Variants in TPM1 observed in about 807,000 individuals in gnomAD.
TPM1 encodes the protein tropomyosin 1.
Under a neutral mutation model 42.9 loss-of-function variants are expected in TPM1, and 24 were observed. The observed-to-expected ratio is 0.56, with a 90% CI of 0.41 to 0.79. TPM1 has a LOEUF of 0.79. TPM1 is among the 30% of genes least tolerant of loss of function. The pLI is 0.00. For missense variants in TPM1, 158 were observed against 351.8 expected (o/e 0.45, Z 4.41); for synonymous variants, 136 against 130.1 (o/e 1.05, Z -0.31).
chr15:63,068,615 C>G (rs8040219), downstream of TPM1, among the ~76,000 whole-genome samples: 19,373 of 152,214 alleles, frequency 0.13, 1,513 homozygotes, highest in Admixed American at 0.25. Flanking sequence ...CACCAGCATT[C>G]AAAGCCACCG....
Position 63,062,655 on chromosome 15 carries a change from T to C in TPM1, c.772+10T>C, listed in dbSNP as rs2035796880. 6.2e-7 allele frequency: 1 copy of C among 1,614,100 alleles called. No homozygotes were observed. Among genetic ancestry groups the C allele is most frequent in the Non-Finnish European group, 8.5e-7 (1 of 1,180,044 alleles). On this transcript the variant is annotated intron_variant, in intron 8 of 9. Coordinates refer to ENST00000403994, the MANE Select transcript of TPM1 (RefSeq NM_001018005.2). ...ATTGATGACTTAGAAGGTAAGATCTTAAGTAGTGTTTTTAGTTTAATCCTT... is the reference window on the plus strand; with the variant it reads ...ATTGATGACTTAGAAGGTAAGATCTCAAGTAGTGTTTTTAGTTTAATCCTT...
intron 9 of TPM1, chr15:63,064,720 C>T (rs1295466338): frequency 2.1e-6 from 2 of 947,380 alleles, no homozygotes; most frequent in Non-Finnish European, 2.5e-6. Flanking sequence ...AATCCCAGCA[C>T]TTTGGGAGGC....
chr15:63,054,915 C>T (rs796898194), intron 2 of TPM1, among the ~76,000 whole-genome samples: 5 of 152,028 alleles, frequency 3.3e-5, no homozygotes, highest in Non-Finnish European at 5.9e-5. Context: ...GTCTCCCCCC[C>T]ACCCTCAAAA....
At position 63,042,963 on chromosome 15, in the gene TPM1, T is replaced by G. The variant is rs1323551574; in HGVS notation, c.114+20T>G. 6.4e-7 allele frequency: 1 copy of G among 1,572,638 alleles called. No individual in the cohort carries two copies. Among genetic ancestry groups the G allele is most frequent in the Non-Finnish European group, 8.6e-7 (1 of 1,158,124 alleles). On this transcript the variant is annotated intron_variant, in intron 1 of 9. Transcript: ENST00000403994. ...AAGCAGGTCTGCGCCTCCCCGGCCCTGCGCCCGCGCCCAGAGCGCCGGGAC... is the reference window on the plus strand; with the variant it reads ...AAGCAGGTCTGCGCCTCCCCGGCCCGGCGCCCGCGCCCAGAGCGCCGGGAC...
chr15:63,049,150 C>A (rs950780623), intron 2 of TPM1: 1 of 206,838 alleles, frequency 4.8e-6, no homozygotes, highest in African/African-American at 2.4e-5. Flanking sequence ...GGGAGAGGCA[C>A]TGTGGACTTG....
intron 2 of TPM1, chr15:63,049,468 CCTTT>C: frequency 6.6e-6 from 1 of 152,250 alleles, no homozygotes. Flanking sequence ...TGGCTTCCTT[CCTTT>C]CTTCTAAGGC....
downstream of TPM1, among the ~76,000 whole-genome samples, chr15:63,067,356 C>T (rs752406899): frequency 1.3e-5 from 2 of 152,166 alleles, no homozygotes; most frequent in Admixed American, 6.5e-5. Context: ...TAAAGACTTC[C>T]ATGATTTCAT....
In TPM1 at chr15:63,061,575, TAC is replaced by T; in HGVS notation, c.564-137_564-136del. The stretch of plus-strand genomic sequence containing the variant: ...TTCCTGGAAAACCTAAACATTTTAA[TAC>T]CTGATGATTTGGCTACTTTAAGGCA... On this transcript the variant is annotated intron_variant, in intron 5 of 9. Coordinates refer to ENST00000403994, the MANE Select transcript of TPM1 (RefSeq NM_001018005.2). 3 of 872,004 alleles carry T rather than the reference TAC, an allele frequency of 3.4e-6. No homozygotes were observed. In the South Asian group the frequency reaches 4.0e-5, roughly 12 times the overall value. The allele number at this position is 872,004 out of a possible 1,614,324, so 54.0% of individuals were successfully genotyped here.
At chr15:63,062,986 TA>T in intron 8 of TPM1, 2 of 1,379,838 alleles carry the variant, frequency 1.4e-6, no homozygotes, top group Non-Finnish European at 1.9e-6. Context: ...ACTTCCTAAT[TA>T]AATTGGGAAT....
At chr15:63,068,926 A>G (rs1317367881), downstream of TPM1, among the ~76,000 whole-genome samples, 1 of 151,974 alleles carries the variant, frequency 6.6e-6, no homozygotes, top group Non-Finnish European at 1.5e-5. Flanking sequence ...AGGCGGGCGG[A>G]TCATGAGGTC....
At position 63,064,156 on chromosome 15, in the gene TPM1, C is replaced by T. The variant is rs2140993340; in HGVS notation, c.851+14C>T. On this transcript the variant is annotated intron_variant, in intron 9 of 9. Coordinates refer to ENST00000403994, the MANE Select transcript of TPM1 (RefSeq NM_001018005.2). Reference sequence around the variant, plus strand: ...TATGACTTCCATGTAAACGTTCATCCACTCTGCCTGCTTACACCCTGCCCT... The same window carrying T: ...TATGACTTCCATGTAAACGTTCATCTACTCTGCCTGCTTACACCCTGCCCT... 6.2e-7 allele frequency: 1 copy of T among 1,612,488 alleles called. No individual in the cohort carries two copies. The highest frequency in any genetic ancestry group is 8.5e-7 in the Non-Finnish European group (1 of 1,179,282).
chr15:63,044,074 A>C lies in TPM1; in HGVS notation c.162A>C (p.Glu54Asp). 1.2e-6 allele frequency: 2 copies of C among 1,614,208 alleles called. No individual in the cohort carries two copies. The highest frequency in any genetic ancestry group is 1.7e-6 in the Non-Finnish European group (2 of 1,180,024). The change falls in exon 2 of 10, where the codon GAA (glutamate) becomes GAC (aspartate). Residue 54 changes from glutamate to aspartate, a missense_variant. By Grantham distance (45) the Glu-to-Asp change is conservative (BLOSUM62 2). Transcript: ENST00000403994. ...TGCAAAAGAAACTCAAGGGCACCGAAGATGAACTGGACAAATACTCTGAGG... is the reference window on the plus strand; with the variant it reads ...TGCAAAAGAAACTCAAGGGCACCGACGATGAACTGGACAAATACTCTGAGG... ...VSLQKKLKGT[E>D]DELDKYSEAL...
downstream of TPM1, chr15:63,071,079 T>C (rs1396849852): frequency 6.2e-7 from 1 of 1,614,018 alleles, no homozygotes; most frequent in East Asian, 2.2e-5. Context: ...AATTTTCTAA[T>C]CTCACCACAG....
chr15:63,043,118 T>TA, intron 1 of TPM1, 175 bp downstream of exon 1: 1 of 623,622 alleles, frequency 1.6e-6, no homozygotes, highest in Non-Finnish European at 2.9e-6. Context: ...GAGCCAGGCT[T>TA]AGTCTAACTT....
chr15:63,060,095 C>T (rs758975070), intron 4 of TPM1: 39 of 234,086 alleles, frequency 1.7e-4, no homozygotes, highest in Non-Finnish European at 3.0e-4. Flanking sequence ...TCAGTGGATT[C>T]ACAGAGGCCT....
chr15:63,058,473 G>A (rs966362743), intron 3 of TPM1, among the ~76,000 whole-genome samples: 3 of 152,140 alleles, frequency 2.0e-5, no homozygotes, highest in African/African-American at 7.2e-5. Flanking sequence ...TTAGGGGGCC[G>A]AGGCGGGCAG....
chr15:63,049,598 T>A (rs2033400003), intron 2 of TPM1, among the ~76,000 whole-genome samples: 2 of 152,210 alleles, frequency 1.3e-5, no homozygotes, highest in South Asian at 4.1e-4. Flanking sequence ...TTGGGAGTTT[T>A]ATGACAATTG....
chr15:63,047,114 T>A (rs2032544746), intron 2 of TPM1: 1 of 152,250 alleles, frequency 6.6e-6, no homozygotes. Context: ...GTCTCTGCAC[T>A]TAGGGGACCA....
At chr15:63,062,763 T>A in intron 8 of TPM1, 118 bp downstream of exon 8, 1 of 1,572,302 alleles carries the variant, frequency 6.4e-7, no homozygotes, top group Non-Finnish European at 8.6e-7. Flanking sequence ...TGCACATTCT[T>A]CCTGTGTGTC....
Sources: gnomAD v4.1 joint callset for allele counts (sites outside exome capture counted in the v4.1 genomes callset) on GRCh38, gnomAD v4.1.1 for gene constraint, MANE v1.5 for transcripts, NCBI Gene and HGNC (gene_info 2026-07-23, HGNC 2026-07-21) for gene names.